The following SLC8A1 variants were observed in gnomAD, a reference collection of about 807,000 sequenced individuals.
SLC8A1 encodes the protein sodium/calcium exchanger 1.
A neutral mutation model predicts 68.3 loss-of-function variants in SLC8A1; 18 were observed. The ratio of observed to expected loss-of-function variants is 0.26; its 90% CI spans 0.18 to 0.39. The LOEUF is 0.39. Among genes scored for constraint, SLC8A1 ranks in the 10% least tolerant of loss-of-function variants. SLC8A1 has a pLI of 1.00. For missense variants in SLC8A1, 985 were observed against 1,156.7 expected, an observed-to-expected ratio of 0.85 and a Z score of 2.15; for synonymous variants, 475 against 415.5, an observed-to-expected ratio of 1.14 and a Z score of -1.74.
chr2:40,463,883 CACACAT>C (rs1472099398), intron 1 of SLC8A1, among the ~76,000 whole-genome samples: 144 of 133,852 alleles, frequency 1.1e-3, no homozygotes, highest in African/African-American at 3.5e-3. Flanking sequence ...CACACACACA[CACACAT>C]ATATATATAG....
At chr2:40,331,942 G>A (rs1255544934) in intron 2 of SLC8A1, among the ~76,000 whole-genome samples, 4 of 151,852 alleles carry the variant, frequency 2.6e-5, no homozygotes, top group Non-Finnish European at 5.9e-5. Flanking sequence ...TTCTCTCCAT[G>A]TATTTATTTA....
upstream of SLC8A1, chr2:40,453,150 A>C (rs2149884160): frequency 6.6e-6 from 1 of 152,342 alleles, no homozygotes; most frequent in East Asian, 1.9e-4. Flanking sequence ...CTGGCTGCGC[A>C]TCACACACAC....
At chr2:40,342,581 C>T (rs1392516354) in intron 2 of SLC8A1, among the ~76,000 whole-genome samples, 2 of 152,012 alleles carry the variant, frequency 1.3e-5, no homozygotes, top group African/African-American at 2.4e-5. Flanking sequence ...TTAAAATTTG[C>T]TTTCTTTCTA....
At chr2:40,489,377 C>T (rs776664517) in intron 1 of SLC8A1, among the ~76,000 whole-genome samples, 23 of 151,954 alleles carry the variant, frequency 1.5e-4, no homozygotes, top group Non-Finnish European at 2.6e-4. Flanking sequence ...GCCATATAGA[C>T]GAGGTACAAT....
chr2:40,196,227 G>A (rs1229660463), intron 2 of SLC8A1, among the ~76,000 whole-genome samples: 3 of 151,996 alleles, frequency 2.0e-5, no homozygotes, highest in South Asian at 2.1e-4. Flanking sequence ...GTGGTGGTAC[G>A]CTCAAAGAGT....
chr2:40,296,173 C>T (rs759921195), intron 2 of SLC8A1, among the ~76,000 whole-genome samples: 26 of 152,156 alleles, frequency 1.7e-4, no homozygotes, highest in Non-Finnish European at 3.4e-4. Context: ...TATGTTAGTA[C>T]TCCTTCTGTA....
chr2:40,156,760 C>T lies in SLC8A1; in HGVS notation c.2161+4005G>A, dbSNP rs76682082. Among the ~76,000 whole-genome samples the T allele has an allele frequency of 1.4e-3, 208 of 152,054 alleles. 1 individual carries two copies. The highest frequency in any genetic ancestry group is 4.9e-3 in the African/African-American group (203 of 41,496). On this transcript the variant is annotated intron_variant, in intron 6 of 7. Coordinates refer to ENST00000406785, the Ensembl canonical transcript of SLC8A1. ...TATATAATGTGCATGTCTATGTATG[C>T]ATGTTTTGTGTATCTTTGTCTTTGT...
intron 2 of SLC8A1, among the ~76,000 whole-genome samples, chr2:40,420,096 TAAG>T: frequency 1.3e-5 from 2 of 152,294 alleles, no homozygotes; most frequent in South Asian, 4.1e-4. Context: ...GATTCAGAAA[TAAG>T]AATGACTTGG....
intron 2 of SLC8A1, chr2:40,177,901 C>T (rs563758227): frequency 4.9e-5 from 61 of 1,246,868 alleles, no homozygotes; most frequent in Middle Eastern, 3.7e-4. Flanking sequence ...TGGAGTCACA[C>T]GCTCATGCTC....
At chr2:40,185,463 T>C (rs2148614896) in intron 2 of SLC8A1, among the ~76,000 whole-genome samples, 1 of 152,266 alleles carries the variant, frequency 6.6e-6, no homozygotes, top group South Asian at 2.1e-4. Context: ...CCTGAGAACA[T>C]CATTCTAAGT....
intron 2 of SLC8A1, among the ~76,000 whole-genome samples, chr2:40,224,236 T>C (rs1001883293): frequency 6.6e-6 from 1 of 152,066 alleles, no homozygotes; most frequent in African/African-American, 2.4e-5. Flanking sequence ...CTGTCTAGTA[T>C]GGGTTGGCAT....
At chr2:40,142,160 TC>T in intron 6 of SLC8A1, among the ~76,000 whole-genome samples, 2 of 152,328 alleles carry the variant, frequency 1.3e-5, no homozygotes, top group East Asian at 3.9e-4. Flanking sequence ...TTTGTTTGTT[TC>T]CTTATACATT....
chr2:40,245,109 G>C (rs925653202), intron 2 of SLC8A1, among the ~76,000 whole-genome samples: 2 of 149,994 alleles, frequency 1.3e-5, no homozygotes, highest in Non-Finnish European at 3.0e-5. Flanking sequence ...ATATGTGATA[G>C]CCATGAAAAT....
intron 2 of SLC8A1, among the ~76,000 whole-genome samples, chr2:40,357,626 GTGTAACAAACCTA>G (rs1266711706): frequency 6.6e-6 from 1 of 152,006 alleles, no homozygotes; most frequent in African/African-American, 2.4e-5. Context: ...ACTATGGCGT[GTGTAACAAACCTA>G]TGTAACAAAC....
At chr2:40,304,093 T>G (rs1044401052) in intron 2 of SLC8A1, among the ~76,000 whole-genome samples, 2 of 152,184 alleles carry the variant, frequency 1.3e-5, no homozygotes, top group Non-Finnish European at 2.9e-5. Context: ...TGCACAATAT[T>G]TGAGTCCTTT....
At position 40,277,794 on chromosome 2, in the gene SLC8A1, GTATATATATATATATATA is replaced by G. The variant is rs56145701; in HGVS notation, c.1809-99957_1809-99940del. On this transcript the variant is annotated intron_variant, in intron 2 of 7. Coordinates refer to ENST00000406785, the Ensembl canonical transcript of SLC8A1. ...TATGTATAAATATATATATATGTGT[GTATATATATATATATATA>G]TATATATATATATATATATTTGTAA... is the stretch of plus-strand genomic sequence containing the variant. Among the ~76,000 whole-genome samples the G allele has an allele frequency of 6.5e-4, 70 of 108,026 alleles. No homozygotes were observed. In the East Asian group the frequency reaches 8.5e-3, roughly 13 times the overall value. The allele number at this position is 108,026 out of a possible 152,430, so 70.9% of individuals were successfully genotyped here.
At chr2:40,508,281 C>G (rs1159187573) in intron 1 of SLC8A1, among the ~76,000 whole-genome samples, 3 of 151,244 alleles carry the variant, frequency 2.0e-5, no homozygotes, top group South Asian at 4.2e-4. Context: ...TCGTCCTCAT[C>G]ATTTCTGTTA....
At chr2:40,490,877 G>T (rs900742295) in intron 1 of SLC8A1, among the ~76,000 whole-genome samples, 3 of 151,968 alleles carry the variant, frequency 2.0e-5, no homozygotes, top group Admixed American at 6.6e-5. Flanking sequence ...CATATGCATC[G>T]TACTGAGATA....
At position 40,441,551 on chromosome 2, in the gene SLC8A1, C is replaced by T. The variant is rs959769132; in HGVS notation, c.-25+10353G>A. On this transcript the variant is annotated intron_variant, in intron 1 of 7. Transcript: ENST00000406785. Reference sequence around the variant, plus strand: ...CTACAGTAATCAAAACAGTACGGTACGGGTACCAAAACAGACATTATAGAC... The same window carrying T: ...CTACAGTAATCAAAACAGTACGGTATGGGTACCAAAACAGACATTATAGAC... Among the ~76,000 whole-genome samples, 30 of 151,638 alleles carry T rather than the reference C, an allele frequency of 2.0e-4. 1 individual carries two copies. The highest frequency in any genetic ancestry group is 2.0e-3 in the Admixed American group (30 of 15,218).
Sources: gnomAD v4.1 joint callset for allele counts (sites outside exome capture counted in the v4.1 genomes callset) on GRCh38, gnomAD v4.1.1 for gene constraint, MANE v1.5 for transcripts, NCBI Gene and HGNC (gene_info 2026-07-23, HGNC 2026-07-21) for gene names.